CNTNAP5: variants seen among roughly 807,000 people sequenced by gnomAD.
CNTNAP5 encodes contactin-associated protein-like 5.
In CNTNAP5, 72 loss-of-function variants were observed where a neutral mutation model predicts 150.2. That is an observed-to-expected ratio of 0.48 (90% confidence interval 0.40 to 0.58). The LOEUF (loss-of-function observed/expected upper bound fraction) is 0.58, where lower values mean the gene tolerates loss of function less well. CNTNAP5 is among the 20% of genes least tolerant of loss of function. The pLI, the probability that CNTNAP5 is intolerant of heterozygous loss-of-function variation, is 0.00. For missense variants in CNTNAP5, 1,636 were observed against 1,626.2 expected (o/e 1.01, Z -0.10); for synonymous variants, 672 against 619.8 (o/e 1.08, Z -1.25).
rs1458313234 is a variant in CNTNAP5, at chr2:124,916,133, C to G, written c.*1845C>G. Among the ~76,000 whole-genome samples, 1 of 151,994 alleles carries G rather than the reference C, an allele frequency of 6.6e-6. No individual in the cohort carries two copies. The highest frequency in any genetic ancestry group is 1.5e-5 in the Non-Finnish European group (1 of 67,974). On this transcript the variant is annotated 3_prime_UTR_variant, in exon 24 of 24. Coordinates refer to ENST00000682447, the MANE Select transcript of CNTNAP5 (RefSeq NM_001367498.1). Reference sequence around the variant, plus strand: ...GGATTTAGTTTGCAATCATATTTCTCTATTTTAAGATGTTGTTTCAAATGC... The same window carrying G: ...GGATTTAGTTTGCAATCATATTTCTGTATTTTAAGATGTTGTTTCAAATGC...
At chr2:124,620,863 C>T (rs902121238) in intron 12 of CNTNAP5, among the ~76,000 whole-genome samples, 7 of 152,012 alleles carry the variant, frequency 4.6e-5, no homozygotes, top group Admixed American at 4.6e-4. Flanking sequence ...ATTGTGTCTA[C>T]AACCACTCTT....
intron 1 of CNTNAP5, among the ~76,000 whole-genome samples, chr2:124,076,460 T>C (rs975920224): frequency 3.3e-5 from 5 of 152,164 alleles, no homozygotes; most frequent in African/African-American, 1.2e-4. Context: ...AAGCTTTTTC[T>C]TGTATCCTTC....
In CNTNAP5 at chr2:124,544,855, T is replaced by C. The variant is rs532385452; in HGVS notation, c.1649+17399T>C. 1.6e-4 allele frequency among the ~76,000 whole-genome samples: 25 copies of C among 152,330 alleles called. 1 individual carries two copies. In the South Asian group the frequency reaches 5.2e-3, roughly 32 times the overall value. On this transcript the variant is annotated intron_variant, in intron 10 of 23. Coordinates refer to ENST00000682447, the MANE Select transcript of CNTNAP5 (RefSeq NM_001367498.1). Reference sequence around the variant, plus strand: ...CAGATCTGGTGTGGTAGATTTAATGTCAGCCTTAGCAGCCCAGGCTGGATA... The same window carrying C: ...CAGATCTGGTGTGGTAGATTTAATGCCAGCCTTAGCAGCCCAGGCTGGATA...
intron 13 of CNTNAP5, among the ~76,000 whole-genome samples, chr2:124,713,104 A>G (rs1452834132): frequency 6.6e-6 from 1 of 151,994 alleles, no homozygotes; most frequent in African/African-American, 2.4e-5. Context: ...CTGAATTTCT[A>G]CTACTATGGG....
intron 1 of CNTNAP5, among the ~76,000 whole-genome samples, chr2:124,167,044 AT>A (rs1046094926): frequency 2.0e-5 from 3 of 151,992 alleles, no homozygotes; most frequent in African/African-American, 7.2e-5. Flanking sequence ...TTTTGTATAT[AT>A]TTTTTGTCCT....
At chr2:124,751,978 C>T (rs987750107) in intron 14 of CNTNAP5, among the ~76,000 whole-genome samples, 1 of 152,058 alleles carries the variant, frequency 6.6e-6, no homozygotes, top group African/African-American at 2.4e-5. Flanking sequence ...CGGTTAAGGT[C>T]GCTTGACTAA....
chr2:124,551,669 G>A (rs752756171), intron 10 of CNTNAP5, among the ~76,000 whole-genome samples: 1 of 152,148 alleles, frequency 6.6e-6, no homozygotes, highest in Non-Finnish European at 1.5e-5. Context: ...GAAGGAATGA[G>A]AATTCTTTAA....
intron 3 of CNTNAP5, among the ~76,000 whole-genome samples, chr2:124,280,159 C>CAT (rs976884849): frequency 4.0e-5 from 6 of 151,248 alleles, no homozygotes; most frequent in Admixed American, 2.0e-4. Context: ...TATATATATA[C>CAT]ATATATATAC....
At chr2:124,315,886 T>C (rs1688947330) in intron 3 of CNTNAP5, among the ~76,000 whole-genome samples, 1 of 152,192 alleles carries the variant, frequency 6.6e-6, no homozygotes, top group South Asian at 2.1e-4. Context: ...TAGGAGTTTC[T>C]GGGAAAGAAA....
intron 1 of CNTNAP5, among the ~76,000 whole-genome samples, chr2:124,070,882 A>G (rs1346816963): frequency 6.6e-6 from 1 of 152,002 alleles, no homozygotes; most frequent in African/African-American, 2.4e-5. Context: ...TTCATCCAAT[A>G]CCTCCAGAAA....
chr2:124,158,686 G>A (rs935865061), intron 1 of CNTNAP5, among the ~76,000 whole-genome samples: 2 of 152,186 alleles, frequency 1.3e-5, no homozygotes, highest in Non-Finnish European at 2.9e-5. Flanking sequence ...TTCTTGCTAT[G>A]AGAGGATATT....
chr2:124,758,923 C>G (rs935538920), intron 14 of CNTNAP5, among the ~76,000 whole-genome samples: 2 of 152,082 alleles, frequency 1.3e-5, no homozygotes, highest in African/African-American at 4.8e-5. Flanking sequence ...TTTGCAGATA[C>G]CTTTGCTAGA....
intron 12 of CNTNAP5, among the ~76,000 whole-genome samples, chr2:124,633,586 G>A (rs1288451984): frequency 6.6e-6 from 1 of 152,130 alleles, no homozygotes; most frequent in Non-Finnish European, 1.5e-5. Context: ...TCTACTATTT[G>A]GGGGTCTGGA....
At chr2:124,226,397 G>A (rs1266416127) in intron 2 of CNTNAP5, among the ~76,000 whole-genome samples, 1 of 152,018 alleles carries the variant, frequency 6.6e-6, no homozygotes, top group East Asian at 1.9e-4. Flanking sequence ...CCATTTGTAT[G>A]CCTTGTTTGG....
rs70996061 is a variant in CNTNAP5 at position 124,349,874 on chromosome 2, C to CTTTTTTTTT, written c.382-67549_382-67541dup. 4.0e-3 allele frequency among the ~76,000 whole-genome samples: 331 copies of CTTTTTTTTT among 81,810 alleles called. 56 individuals are homozygous for CTTTTTTTTT. The highest frequency in any genetic ancestry group is 4.8e-3 in the Non-Finnish European group (221 of 46,192). The allele number at this position is 81,810 out of a possible 152,430, so 53.7% of individuals were successfully genotyped here. A position where few individuals can be genotyped will look rare whatever the true frequency, so the allele number is the denominator to read the frequency against. ...GTTTTGAAATGACTTCTGGCTATTT[C>CTTTTTTTTT]TTTTTTTTTTTTTTTTTTTTTTTTT... On this transcript the variant is annotated intron_variant, in intron 3 of 23. Coordinates refer to ENST00000682447, the MANE Select transcript of CNTNAP5 (RefSeq NM_001367498.1).
At chr2:124,292,631 G>A (rs1329199492) in intron 3 of CNTNAP5, among the ~76,000 whole-genome samples, 1 of 151,932 alleles carries the variant, frequency 6.6e-6, no homozygotes, top group Non-Finnish European at 1.5e-5. Context: ...AGGCTTATTT[G>A]ACAAGTTTTA....
intron 4 of CNTNAP5, among the ~76,000 whole-genome samples, chr2:124,428,004 G>A (rs111704992): frequency 5.3e-5 from 8 of 152,266 alleles, no homozygotes; most frequent in South Asian, 2.1e-4. Flanking sequence ...GCTCCTTGGT[G>A]ACCTCAATGC....
chr2:124,129,593 G>A (rs180730108), intron 1 of CNTNAP5, among the ~76,000 whole-genome samples: 1 of 152,284 alleles, frequency 6.6e-6, no homozygotes, highest in East Asian at 1.9e-4. Context: ...TTCCAGAATT[G>A]CATTCATGCA....
intron 1 of CNTNAP5, among the ~76,000 whole-genome samples, chr2:124,082,944 G>A (rs1210735466): frequency 6.6e-6 from 1 of 151,880 alleles, no homozygotes; most frequent in Admixed American, 6.5e-5. Flanking sequence ...TATCCTGTTT[G>A]GTGAAATTTC....
Sources: allele counts gnomAD v4.1 joint callset (sites outside exome capture counted in the v4.1 genomes callset), GRCh38; gene constraint gnomAD v4.1.1; transcripts MANE v1.5; gene names NCBI Gene and HGNC (gene_info 2026-07-23, HGNC 2026-07-21).